Variants in WDR59 observed in about 807,000 individuals in gnomAD.
WDR59 encodes the protein WD repeat domain 59.
A neutral mutation model predicts 131.2 loss-of-function variants in WDR59; 100 were observed. That is an observed-to-expected ratio of 0.76 (90% CI 0.65 to 0.90). The LOEUF is 0.90. WDR59 is among the 40% of genes least tolerant of loss of function. WDR59 has a pLI of 0.00. For missense variants in WDR59, 1,203 were observed against 1,262.2 expected (o/e 0.95, Z 0.71); for synonymous variants, 601 against 466.2 (o/e 1.29, Z -3.72).
In WDR59 at chr16:74,889,702, C is replaced by T. The variant is rs943634814; in HGVS notation, c.2195+1G>A. On this transcript the variant is annotated splice_donor_variant, in intron 21 of 25. Coordinates refer to ENST00000262144, the MANE Select transcript of WDR59 (RefSeq NM_030581.4). LOFTEE classifies it high-confidence loss of function. ...TCTCATTTTTAGCTCTCAAAACCTA[C>T]AGGGACTCCAGCAGCTGCCGCCCAA... is the stretch of plus-strand genomic sequence containing the variant. 1.2e-6 allele frequency: 2 copies of T among 1,612,422 alleles called. No homozygotes were observed. Among genetic ancestry groups the T allele is most frequent in the Non-Finnish European group, 1.7e-6 (2 of 1,179,372 alleles).
At position 74,984,620 on chromosome 16, in the gene WDR59, G is replaced by A. The variant is rs1157983383; in HGVS notation, c.54+344C>T. The A allele has an allele frequency of 6.2e-5, 21 of 336,072 alleles. No individual in the cohort carries two copies. In the East Asian group the frequency reaches 9.9e-4, roughly 16 times the overall value. 20.8% of individuals were successfully genotyped at this position (336,072 alleles called of 1,614,324 possible). On this transcript the variant is annotated intron_variant, in intron 1 of 25. Coordinates refer to ENST00000262144, the MANE Select transcript of WDR59 (RefSeq NM_030581.4). ...CGACTTGCCTTAAGTCGCCACACGC[G>A]GCTAGGGCCTCGGGAAGCCGTCACG... is the stretch of plus-strand genomic sequence containing the variant.
At chr16:74,919,787 T>A (rs2029990315) in intron 10 of WDR59, among the ~76,000 whole-genome samples, 1 of 152,202 alleles carries the variant, frequency 6.6e-6, no homozygotes, top group South Asian at 2.1e-4. Context: ...CTGGCCACAA[T>A]ATCCTGACTC....
At chr16:74,896,942 T>G (rs1292248737) in intron 18 of WDR59, among the ~76,000 whole-genome samples, 2 of 152,200 alleles carry the variant, frequency 1.3e-5, no homozygotes, top group African/African-American at 4.8e-5. Context: ...CCATCAGCGC[T>G]GAGATTTGAA....
At chr16:74,942,182 TGCAGTAAGAAC>T (rs1007877337) in intron 7 of WDR59, among the ~76,000 whole-genome samples, 1 of 152,164 alleles carries the variant, frequency 6.6e-6, no homozygotes, top group Non-Finnish European at 1.5e-5. Context: ...CATGGGCTGC[TGCAGTAAGAAC>T]GTATGAGTGA....
At chr16:74,886,986 T>C (rs999382833) in intron 23 of WDR59, among the ~76,000 whole-genome samples, 5 of 152,162 alleles carry the variant, frequency 3.3e-5, no homozygotes, top group Admixed American at 2.0e-4. Context: ...GAACATTACA[T>C]AGTCATTATT....
rs926985172 is a variant in WDR59 at position 74,978,359 on chromosome 16, G to A, written c.54+6605C>T. Among the ~76,000 whole-genome samples the A allele has an allele frequency of 5.9e-5, 9 of 151,338 alleles. No individual in the cohort carries two copies. In the Admixed American group the frequency reaches 6.0e-4, roughly 10 times the overall value. Reference sequence around the variant, plus strand: ...AAAAAAAAAAGAGCCAGGCCTGGTGGCATATGCCTGTCGACTCAGTTATTC... The same window carrying A: ...AAAAAAAAAAGAGCCAGGCCTGGTGACATATGCCTGTCGACTCAGTTATTC... On this transcript the variant is annotated intron_variant, in intron 1 of 25. Transcript: ENST00000262144.
intron 8 of WDR59, chr16:74,930,894 A>G (rs1171773984): frequency 2.9e-4 from 2 of 6,974 alleles, no homozygotes; most frequent in African/African-American, 4.8e-4. Flanking sequence ...CTCCATCTCA[A>G]AAAAAAAAAA....
intron 18 of WDR59, among the ~76,000 whole-genome samples, chr16:74,894,991 A>G (rs1955220388): frequency 6.6e-6 from 1 of 152,236 alleles, no homozygotes; most frequent in Non-Finnish European, 1.5e-5. Context: ...TTACTCACAA[A>G]TAAATTCATT....
At chr16:74,950,288 C>T (rs796803298) in intron 4 of WDR59, among the ~76,000 whole-genome samples, 1 of 152,282 alleles carries the variant, frequency 6.6e-6, no homozygotes, top group African/African-American at 2.4e-5. Context: ...GATCGTGCCA[C>T]TGCACTCCAG....
chr16:74,937,636 G>T (rs1218048119), intron 8 of WDR59, among the ~76,000 whole-genome samples: 2 of 152,140 alleles, frequency 1.3e-5, no homozygotes, highest in African/African-American at 2.4e-5. Flanking sequence ...CAAGTAGATG[G>T]AATTACAGGT....
At chr16:74,941,352 A>AAT (rs1555501142) in intron 7 of WDR59, among the ~76,000 whole-genome samples, 4 of 151,232 alleles carry the variant, frequency 2.6e-5, no homozygotes, top group East Asian at 2.0e-4. Flanking sequence ...AAAAAAAAAA[A>AAT]AAAGAAGGGG....
rs1311873816 is a variant in WDR59, at chr16:74,916,247, C to T, written c.979G>A (p.Asp327Asn). 1.1e-5 allele frequency: 18 copies of T among 1,613,810 alleles called. No homozygotes were observed. Among genetic ancestry groups the T allele is most frequent in the Non-Finnish European group, 1.5e-5 (18 of 1,179,938 alleles). Residue 327 changes from aspartate (D) to asparagine (N), a missense_variant, in exon 12 of 26, where the codon GAC (aspartate) becomes AAC (asparagine). Asp to Asn is a conservative substitution (Grantham distance 23). Coordinates refer to ENST00000262144, the MANE Select transcript of WDR59 (RefSeq NM_030581.4). ...AACTCATCAACACCATCTAATATGT[C>T]ATTTGCACAAAGCTGCAACAAAGGG... ...DSQMQRLCAN[D>N]ILDGVDEFIE... is the part of the protein sequence containing the mutation.
intron 10 of WDR59, among the ~76,000 whole-genome samples, chr16:74,920,342 A>G (rs548916651): frequency 1.3e-5 from 2 of 152,222 alleles, no homozygotes; most frequent in South Asian, 2.1e-4. Flanking sequence ...AAGTGTTCTG[A>G]GCATGTTTAA....
Position 74,951,526 on chromosome 16 carries a change from G to A in WDR59, c.258C>T (p.Asp86=). The change falls in exon 4 of 26, where the codon GAC becomes GAT. Residue 86 remains aspartate (D), a synonymous_variant. Transcript: ENST00000262144. ...CACTGCCGTCTTTCCACTTGTAAAG[G>A]TCTACTCGTTGGTTACTCTGAAAAG... is the stretch of plus-strand genomic sequence containing the variant. ...YFAASSNQRV[D]LYKWKDGSGE... is the part of the protein sequence containing the mutation. 6.3e-7 allele frequency: 1 copy of A among 1,598,370 alleles called. No individual in the cohort carries two copies. Among genetic ancestry groups the A allele is most frequent in the South Asian group, 1.1e-5 (1 of 87,606 alleles).
rs181957182 is a variant in WDR59, at chr16:74,979,570, C to T, written c.54+5394G>A. Among the ~76,000 whole-genome samples, 845 of 151,680 alleles carry T rather than the reference C, an allele frequency of 5.6e-3. 5 individuals are homozygous for T. Among genetic ancestry groups the T allele is most frequent in the African/African-American group, 0.02 (814 of 41,424 alleles). ...TTTTTGTTTTTTTCAGATGGAGTCTCGCTCTTGTCACCCAGGCTGGAGTGC... is the reference window on the plus strand; with the variant it reads ...TTTTTGTTTTTTTCAGATGGAGTCTTGCTCTTGTCACCCAGGCTGGAGTGC... On this transcript the variant is annotated intron_variant, in intron 1 of 25. Coordinates refer to ENST00000262144, the MANE Select transcript of WDR59 (RefSeq NM_030581.4).
Position 74,949,723 on chromosome 16 carries a change from A to G in WDR59, c.402T>C (p.Asp134=). The G allele has an allele frequency of 6.2e-7, 1 of 1,613,810 alleles. No individual in the cohort carries two copies. The highest frequency in any genetic ancestry group is 8.5e-7 in the Non-Finnish European group (1 of 1,179,820). The part of the protein sequence containing the change: ...SSVDTYIYIW[D]IKDTRKPTVA... The stretch of plus-strand genomic sequence containing the variant: ...TGCCTCCTAATTGTTCTTACTTGAT[A>G]TCCCAAATGTAGATGTAGGTGTCCA... The change falls in exon 5 of 26, where the codon GAT becomes GAC. Residue 134 remains aspartate, a synonymous_variant. Transcript: ENST00000262144.
chr16:74,943,235 GC>G (rs1371973779), intron 6 of WDR59, among the ~76,000 whole-genome samples: 1 of 121,480 alleles, frequency 8.2e-6, no homozygotes, highest in African/African-American at 3.4e-5. Context: ...TGTTATGCCT[GC>G]CCCCTTTTTT....
Position 74,874,094 on chromosome 16 carries a change from C to T in WDR59, c.*115G>A. 1 of 852,978 alleles carries T rather than the reference C, an allele frequency of 1.2e-6. No individual in the cohort carries two copies. The highest frequency in any genetic ancestry group is 1.8e-6 in the Non-Finnish European group (1 of 549,582). The allele number at this position is 852,978 out of a possible 1,614,324, so 52.8% of individuals were successfully genotyped here. ...TGCTGCGCAGTCCTTGGGGGATCAT[C>T]CTCCGGTCTCACTGGGGACGAACCC... On this transcript the variant is annotated 3_prime_UTR_variant, in exon 26 of 26. Transcript: ENST00000262144.
chr16:74,875,701 C>G (rs965342935), intron 25 of WDR59, among the ~76,000 whole-genome samples: 2 of 152,196 alleles, frequency 1.3e-5, no homozygotes, highest in African/African-American at 4.8e-5. Flanking sequence ...CATGGACTCA[C>G]TTTATAATCA....
Sources: gnomAD v4.1 joint callset for allele counts (sites outside exome capture counted in the v4.1 genomes callset) on GRCh38, gnomAD v4.1.1 for gene constraint, MANE v1.5 for transcripts, NCBI Gene and HGNC (gene_info 2026-07-23, HGNC 2026-07-21) for gene names.